NBAS: variants seen among roughly 807,000 people sequenced by gnomAD.
The protein encoded by NBAS is NAG/BC035112 fusion.
A neutral mutation model predicts 302.5 loss-of-function variants in NBAS; 219 were observed. The observed-to-expected ratio is 0.72, with a 90% CI of 0.65 to 0.81. The LOEUF (loss-of-function observed/expected upper bound fraction) is 0.81, where lower values mean the gene tolerates loss of function less well. Ranked by LOEUF, NBAS falls within the 30% of genes least tolerant of loss-of-function variation. NBAS has a pLI of 0.00. For synonymous variants in NBAS, 1,118 were observed against 1,021.6 expected, an observed-to-expected ratio of 1.09 and a Z score of -1.80; for missense variants, 2,932 against 2,841.6, an observed-to-expected ratio of 1.03 and a Z score of -0.72.
At chr2:15,190,138 G>A in intron 49 of NBAS, 126 bp downstream of exon 49, 2 of 1,094,984 alleles carry the variant, frequency 1.8e-6, no homozygotes, top group East Asian at 2.4e-5. Context: ...TTCCTCTAAA[G>A]GCAAATACTG....
the NBAS span, among the ~76,000 whole-genome samples, chr2:14,985,839 C>A: frequency 6.6e-6 from 1 of 152,126 alleles, no homozygotes; most frequent in Non-Finnish European, 1.5e-5. Flanking sequence ...GTTAAAATTG[C>A]ATTATTAATT....
chr2:15,238,936 T>G (rs981107240), intron 44 of NBAS, among the ~76,000 whole-genome samples: 1 of 152,174 alleles, frequency 6.6e-6, no homozygotes, highest in African/African-American at 2.4e-5. Context: ...GAAACTAGTA[T>G]TCACACTGAC....
intron 10 of NBAS, among the ~76,000 whole-genome samples, chr2:15,507,100 A>G (rs1348345908): frequency 2.6e-5 from 4 of 152,240 alleles, no homozygotes; most frequent in Non-Finnish European, 5.9e-5. Context: ...AAATAAAAGC[A>G]TGCTACATGC....
intron 47 of NBAS, among the ~76,000 whole-genome samples, chr2:15,229,234 C>T (rs977834244): frequency 2.0e-4 from 29 of 148,386 alleles, no homozygotes; most frequent in Non-Finnish European, 3.6e-4. Flanking sequence ...CCCGGCTACT[C>T]GGGAGGCTGA....
intron 49 of NBAS, among the ~76,000 whole-genome samples, chr2:15,187,721 A>C (rs1474170761): frequency 6.6e-6 from 1 of 152,172 alleles, no homozygotes; most frequent in African/African-American, 2.4e-5. Context: ...AAAAATTACT[A>C]TTTATGAAGA....
chr2:15,447,763 AAGTGT>A (rs1311763992), intron 21 of NBAS, among the ~76,000 whole-genome samples: 1 of 152,212 alleles, frequency 6.6e-6, no homozygotes, highest in East Asian at 1.9e-4. Context: ...ATCAAAGCAC[AAGTGT>A]TATCAAGAAG....
chr2:15,431,439 G>A (rs1677759967), intron 21 of NBAS, among the ~76,000 whole-genome samples: 1 of 152,012 alleles, frequency 6.6e-6, no homozygotes, highest in Non-Finnish European at 1.5e-5. Flanking sequence ...AAATAAACAG[G>A]ATCTTCTCTC....
At chr2:15,397,001 C>T (rs1675895815) in intron 26 of NBAS, among the ~76,000 whole-genome samples, 3 of 152,188 alleles carry the variant, frequency 2.0e-5, no homozygotes, top group Non-Finnish European at 4.4e-5. Context: ...GTTAAGGAAT[C>T]AGTGAGAAGT....
chr2:15,504,729 T>C (rs1661758934), intron 10 of NBAS, among the ~76,000 whole-genome samples: 1 of 152,184 alleles, frequency 6.6e-6, no homozygotes, highest in Non-Finnish European at 1.5e-5. Flanking sequence ...TTGTTGAGGA[T>C]GTAGGGAATC....
the NBAS span, among the ~76,000 whole-genome samples, chr2:14,842,579 A>G: frequency 6.6e-6 from 1 of 152,004 alleles, no homozygotes; most frequent in Non-Finnish European, 1.5e-5. Flanking sequence ...AATAAATGGA[A>G]AAAATTACTG....
At chr2:14,996,668 A>C in the NBAS span, among the ~76,000 whole-genome samples, 1 of 152,200 alleles carries the variant, frequency 6.6e-6, no homozygotes, top group Non-Finnish European at 1.5e-5. Flanking sequence ...GGCTGAATTT[A>C]ATATTATGGG....
At chr2:15,439,604 T>G (rs1338657183) in intron 21 of NBAS, among the ~76,000 whole-genome samples, 9 of 152,160 alleles carry the variant, frequency 5.9e-5, no homozygotes, top group Admixed American at 5.9e-4. Context: ...TTTCTGCATT[T>G]CCATCTGAGG....
chr2:15,234,724 G>A lies in NBAS; in HGVS notation c.5967C>T (p.His1989=), dbSNP rs1667519838. The A allele has an allele frequency of 2.5e-6, 4 of 1,614,018 alleles. No individual in the cohort carries two copies. The highest frequency in any genetic ancestry group is 1.7e-6 in the Non-Finnish European group (2 of 1,179,994). The change falls in exon 46 of 52, where the codon CAC becomes CAT. Residue 1989 remains histidine, a synonymous_variant. Coordinates refer to ENST00000281513, the MANE Select transcript of NBAS (RefSeq NM_015909.4). ...SEQETLQKYS[H]LYDLSRSEKE... ...TTTCTGATCGGGACAGATCATAGAG[G>A]TGACTGTATTTTTGCAGTGTTTCCT...
At chr2:15,285,854 C>T (rs1670016752) in intron 42 of NBAS, among the ~76,000 whole-genome samples, 1 of 152,158 alleles carries the variant, frequency 6.6e-6, no homozygotes, top group Non-Finnish European at 1.5e-5. Flanking sequence ...AGGGTTTCTC[C>T]ATGTTGGCCA....
the NBAS span, among the ~76,000 whole-genome samples, chr2:14,941,504 C>A: frequency 6.6e-6 from 1 of 152,226 alleles, no homozygotes; most frequent in African/African-American, 2.4e-5. Flanking sequence ...TTCTGGCCTC[C>A]AGCCCTGGAC....
the NBAS span, among the ~76,000 whole-genome samples, chr2:14,937,013 G>T: frequency 6.6e-6 from 1 of 152,300 alleles, no homozygotes; most frequent in African/African-American, 2.4e-5. Flanking sequence ...AAATGGATGT[G>T]TTAAACTCCT....
At chr2:14,902,313 G>A in the NBAS span, among the ~76,000 whole-genome samples, 15 of 152,274 alleles carry the variant, frequency 9.9e-5, no homozygotes, top group South Asian at 1.0e-3. Context: ...TGCATTTTTA[G>A]TAGAGATGGG....
At position 15,424,437 on chromosome 2, in the gene NBAS, T is replaced by A. The variant is rs1558325588; in HGVS notation, c.2455A>T (p.Ser819Cys). 6.2e-7 allele frequency: 1 copy of A among 1,613,984 alleles called. No individual in the cohort carries two copies. The highest frequency in any genetic ancestry group is 2.2e-5 in the East Asian group (1 of 44,894). The change falls in exon 23 of 52, where the codon AGT becomes TGT. Residue 819 changes from serine (S) to cysteine (C), a missense_variant. Ser to Cys is a moderately radical substitution (Grantham distance 112). Coordinates refer to ENST00000281513, the MANE Select transcript of NBAS (RefSeq NM_015909.4). ...MVVEPNLQDE[S>C]EFLYAAQPEL... ...GGCTGTGCAGCATACAAGAATTCAC[T>A]TTCATCTTGGAGATTCGGCTCAACA...
intron 44 of NBAS, among the ~76,000 whole-genome samples, chr2:15,270,509 T>C (rs550319835): frequency 2.6e-5 from 4 of 152,296 alleles, no homozygotes; most frequent in African/African-American, 9.6e-5. Context: ...ATAACCTTCA[T>C]AAACAAAAAC....
Sources: allele counts gnomAD v4.1 joint callset (sites outside exome capture counted in the v4.1 genomes callset), GRCh38; gene constraint gnomAD v4.1.1; transcripts MANE v1.5; gene names NCBI Gene and HGNC (gene_info 2026-07-23, HGNC 2026-07-21).